Variants in CHD9 observed in about 807,000 individuals in gnomAD.
CHD9 encodes ATP-dependent chromatin remodeler CHD9.
Under a neutral mutation model 316.1 loss-of-function variants are expected in CHD9, and 77 were observed. The ratio of observed to expected loss-of-function variants is 0.24; its 90% CI spans 0.20 to 0.29. The LOEUF is 0.29. Ranked by LOEUF, CHD9 falls within the 10% of genes least tolerant of loss-of-function variation. The pLI is 1.00. For synonymous variants in CHD9, 1,129 were observed against 1,158.3 expected, an observed-to-expected ratio of 0.97 and a Z score of 0.51; for missense variants, 2,763 against 3,438.1, an observed-to-expected ratio of 0.80 and a Z score of 4.91.
intron 1 of CHD9, among the ~76,000 whole-genome samples, chr16:53,130,447 TGCCCTGCCGGGGCCTGACGTGGCGGCGGG>T (rs972239572): frequency 1.3e-5 from 2 of 151,136 alleles, no homozygotes; most frequent in Non-Finnish European, 3.0e-5. Context: ...GGCTGGGGCG[TGCCCTGCCGGGGCCTGACGTGGCGGCGGG>T]GCCGCGGGGC....
intron 36 of CHD9, among the ~76,000 whole-genome samples, chr16:53,315,968 A>C (rs1217095977): frequency 6.6e-6 from 1 of 152,144 alleles, no homozygotes; most frequent in African/African-American, 2.4e-5. Context: ...GAGGCTGGGC[A>C]TGATGGCTCA....
chr16:53,094,325 C>T (rs1415396465), intron 1 of CHD9, among the ~76,000 whole-genome samples: 4 of 152,102 alleles, frequency 2.6e-5, no homozygotes, highest in African/African-American at 2.4e-5. Context: ...AAGTCTGTAC[C>T]GGGGCAGGTG....
intron 1 of CHD9, among the ~76,000 whole-genome samples, chr16:53,122,799 T>C (rs2038800503): frequency 1.3e-5 from 2 of 152,014 alleles, no homozygotes; most frequent in Admixed American, 1.3e-4. Flanking sequence ...CTCTGCCTCC[T>C]GGGTTCATGC....
intron 2 of CHD9, among the ~76,000 whole-genome samples, chr16:53,165,545 T>G (rs1363320660): frequency 6.6e-6 from 1 of 152,196 alleles, no homozygotes; most frequent in Non-Finnish European, 1.5e-5. Context: ...AAGGGAGGTC[T>G]CATATGTTTA....
intron 36 of CHD9, 106 bp from the exon 37 acceptor site, chr16:53,318,106 C>A: frequency 1.4e-5 from 12 of 847,134 alleles, no homozygotes; most frequent in Middle Eastern, 3.0e-4. Context: ...TGTAAATAAC[C>A]AAAAGGTAAA....
chr16:53,236,203 C>T (rs1785280061), intron 11 of CHD9, among the ~76,000 whole-genome samples: 1 of 152,038 alleles, frequency 6.6e-6, no homozygotes, highest in Admixed American at 6.6e-5. Flanking sequence ...GTACCCTTTC[C>T]CATCTCCTAT....
intron 24 of CHD9, among the ~76,000 whole-genome samples, chr16:53,284,734 A>G (rs922172706): frequency 2.0e-5 from 3 of 152,046 alleles, no homozygotes; most frequent in African/African-American, 4.8e-5. Flanking sequence ...ATGGCATTCT[A>G]TTATTTATTT....
At chr16:53,128,174 G>A (rs2039057365) in intron 1 of CHD9, among the ~76,000 whole-genome samples, 2 of 147,008 alleles carry the variant, frequency 1.4e-5, no homozygotes, top group Admixed American at 6.8e-5. Context: ...CATTGAGTAG[G>A]AATGGAGACA....
chr16:53,131,346 T>C, intron 1 of CHD9: 1 of 8,362 alleles, frequency 1.2e-4, no homozygotes, highest in Non-Finnish European at 2.0e-4. Flanking sequence ...GCTCGGCCGG[T>C]GGGGGGAGGG....
chr16:53,109,555 C>T (rs556999432), intron 1 of CHD9, among the ~76,000 whole-genome samples: 29 of 151,328 alleles, frequency 1.9e-4, no homozygotes, highest in African/African-American at 6.5e-4. Context: ...GGCTAGTCTC[C>T]AACTCCTGAC....
At chr16:53,212,771 C>A (rs998499949) in intron 3 of CHD9, among the ~76,000 whole-genome samples, 4 of 152,154 alleles carry the variant, frequency 2.6e-5, no homozygotes, top group Non-Finnish European at 5.9e-5. Context: ...TCATCACTTA[C>A]AAGCAGTGTA....
At chr16:53,222,056 A>G (rs900294828) in intron 3 of CHD9, among the ~76,000 whole-genome samples, 1 of 150,920 alleles carries the variant, frequency 6.6e-6, no homozygotes, top group Non-Finnish European at 1.5e-5. Context: ...TTATTTATTT[A>G]TTTGTTTGTT....
intron 5 of CHD9, 131 bp from the exon 6 acceptor site, chr16:53,227,265 G>A (rs1047020937): frequency 1.2e-5 from 7 of 590,906 alleles, no homozygotes; most frequent in East Asian, 3.5e-5. Context: ...TTTCTAACAC[G>A]TAACATAGTG....
intron 2 of CHD9, among the ~76,000 whole-genome samples, chr16:53,165,654 G>T (rs965316611): frequency 1.3e-5 from 2 of 151,994 alleles, no homozygotes; most frequent in Non-Finnish European, 2.9e-5. Context: ...TAAGCAGAAA[G>T]AGTTAATTTT....
At chr16:53,120,280 G>A (rs779419668) in intron 1 of CHD9, among the ~76,000 whole-genome samples, 15 of 151,920 alleles carry the variant, frequency 9.9e-5, no homozygotes, top group Admixed American at 2.0e-4. Context: ...CACTAGGATG[G>A]GTTTCTTCTG....
intron 19 of CHD9, 150 bp downstream of exon 19, chr16:53,255,929 C>A: frequency 1.4e-6 from 1 of 703,540 alleles, no homozygotes; most frequent in Non-Finnish European, 2.4e-6. Context: ...TTTTTCTGAT[C>A]CCTTATGTTA....
At position 53,218,598 on chromosome 16, in the gene CHD9, T is replaced by C. The variant is rs1287022857; in HGVS notation, c.1785-4046T>C. Reference sequence around the variant, plus strand: ...AGCGGAACCAGTTCATAGTCATTTGTAAATTTTAAAAAAATTTAAATATCT... The same window carrying C: ...AGCGGAACCAGTTCATAGTCATTTGCAAATTTTAAAAAAATTTAAATATCT... On this transcript the variant is annotated intron_variant, in intron 3 of 38. Transcript: ENST00000447540. 5.3e-5 allele frequency among the ~76,000 whole-genome samples: 8 copies of C among 152,310 alleles called. 2 individuals carry two copies. Among genetic ancestry groups the C allele is most frequent in the Admixed American group, 3.9e-4 (6 of 15,294 alleles).
intron 28 of CHD9, among the ~76,000 whole-genome samples, chr16:53,292,451 T>A (rs2054421508): frequency 6.6e-6 from 1 of 152,238 alleles, no homozygotes; most frequent in East Asian, 1.9e-4. Context: ...TGATTCTAAT[T>A]AAACTGAGAT....
In CHD9 at chr16:53,157,211, C is replaced by T. The variant is rs1331452108; in HGVS notation, c.1122C>T (p.Phe374=). 1 of 1,604,154 alleles carries T rather than the reference C, an allele frequency of 6.2e-7. No homozygotes were observed. Among genetic ancestry groups the T allele is most frequent in the African/African-American group, 1.3e-5 (1 of 74,782 alleles). ...ACTCAGGAACTCAAATGGGCCATTTCAATGATCATGTAGAAACTAATGGCT... is the reference window on the plus strand; with the variant it reads ...ACTCAGGAACTCAAATGGGCCATTTTAATGATCATGTAGAAACTAATGGCT... ...PVDSGTQMGH[F]NDHVETNGFS... is the part of the protein sequence containing the mutation. The change falls in exon 2 of 39, where the codon TTC becomes TTT. Residue 374 remains phenylalanine, a synonymous_variant. Coordinates refer to ENST00000447540, the MANE Select transcript of CHD9 (RefSeq NM_001308319.2).
Sources: gnomAD v4.1 joint callset for allele counts (sites outside exome capture counted in the v4.1 genomes callset) on GRCh38, gnomAD v4.1.1 for gene constraint, MANE v1.5 for transcripts, NCBI Gene and HGNC (gene_info 2026-07-23, HGNC 2026-07-21) for gene names.